The following KCNK9 variants were observed in gnomAD, a reference collection of about 807,000 sequenced individuals.
The protein encoded by KCNK9 is potassium two pore domain channel subfamily K member 9, also known as potassium channel subfamily K member 9.
In KCNK9, 1 loss-of-function variant was observed where a neutral mutation model predicts 10.8. The observed-to-expected ratio is 0.09, with a 90% CI of 0.03 to 0.44. The LOEUF is 0.44. Ranked by LOEUF, KCNK9 falls within the 20% of genes least tolerant of loss-of-function variation. The probability of loss-of-function intolerance (pLI) is 0.97; values close to 1 mark genes in which losing one functional copy is unlikely to be tolerated. For synonymous variants in KCNK9, 231 were observed against 222.7 expected (o/e 1.04, Z -0.33); for missense variants, 303 against 515.0 (o/e 0.59, Z 3.98).
At chr8:139,660,717 T>C (rs757680527) in intron 1 of KCNK9, among the ~76,000 whole-genome samples, 2 of 152,198 alleles carry the variant, frequency 1.3e-5, no homozygotes, top group African/African-American at 4.8e-5. Flanking sequence ...CAATAATGCA[T>C]ACTGGCTGTC....
intron 1 of KCNK9, among the ~76,000 whole-genome samples, chr8:139,641,711 C>T (rs1285007975): frequency 6.6e-6 from 1 of 152,184 alleles, no homozygotes; most frequent in African/African-American, 2.4e-5. Context: ...GCTGAGCCTC[C>T]TCTCCCTAGG....
intron 1 of KCNK9, among the ~76,000 whole-genome samples, chr8:139,624,033 C>G (rs529816959): frequency 5.6e-4 from 85 of 152,164 alleles, no homozygotes; most frequent in Non-Finnish European, 1.0e-3. Flanking sequence ...ATGCCTGGCA[C>G]CCCCTACAGG....
chr8:139,613,743 C>CCCTG (rs1337346988), downstream of KCNK9, among the ~76,000 whole-genome samples: 2 of 152,194 alleles, frequency 1.3e-5, no homozygotes, highest in African/African-American at 4.8e-5. Context: ...ATAACAGGTC[C>CCCTG]CCTGCCTGCC....
At chr8:139,684,983 T>G (rs1816760246) in intron 1 of KCNK9, among the ~76,000 whole-genome samples, 1 of 152,222 alleles carries the variant, frequency 6.6e-6, no homozygotes, top group Admixed American at 6.5e-5. Flanking sequence ...ACACTACATG[T>G]GCTAAACCCA....
At chr8:139,674,195 G>A (rs1816498078) in intron 1 of KCNK9, among the ~76,000 whole-genome samples, 1 of 152,296 alleles carries the variant, frequency 6.6e-6, no homozygotes, top group South Asian at 2.1e-4. Context: ...CTTAGATGAG[G>A]TCATGAAGGT....
intron 1 of KCNK9, among the ~76,000 whole-genome samples, chr8:139,626,823 A>G (rs909047125): frequency 3.9e-5 from 6 of 152,244 alleles, no homozygotes; most frequent in Non-Finnish European, 8.8e-5. Flanking sequence ...CACAAATTCC[A>G]TTAAAGAATG....
exon 3 of KCNK9, chr8:139,601,126 C>T (rs1304061849): frequency 6.6e-6 from 1 of 152,178 alleles, no homozygotes; most frequent in Admixed American, 6.5e-5. Flanking sequence ...GACGGGGAAA[C>T]CCCACGGCAC....
chr8:139,639,847 C>T (rs1421997901), intron 1 of KCNK9, among the ~76,000 whole-genome samples: 1 of 152,220 alleles, frequency 6.6e-6, no homozygotes, highest in East Asian at 1.9e-4. Context: ...AAGACCAGCA[C>T]CACTACACAG....
chr8:139,603,323 G>A (rs1817413707), intron 2 of KCNK9, among the ~76,000 whole-genome samples: 1 of 152,136 alleles, frequency 6.6e-6, no homozygotes, highest in East Asian at 1.9e-4. Context: ...CGGAGAGAGG[G>A]GAAGGCGCTG....
rs201576708 is a variant in KCNK9 at position 139,618,684 on chromosome 8, C to G, written c.699G>C (p.Thr233=). 8 of 1,614,088 alleles carry G rather than the reference C, an allele frequency of 5.0e-6. No individual in the cohort carries two copies. Among genetic ancestry groups the G allele is most frequent in the Non-Finnish European group, 6.8e-6 (8 of 1,180,054 alleles). ...FSFMYILVGL[T]VIGAFLNLVV... ...CCAGGTTGAGGAAGGCCCCGATGAC[C>G]GTCAGCCCCACCAGGATATACATAA... Residue 233 remains threonine, a synonymous_variant, in exon 2 of 2, where the codon ACG becomes ACC. Transcript: ENST00000520439. This position sits in a 1 kb window ranked among gnomAD's most constrained non-coding sequence, Gnocchi z 7.9.
intron 1 of KCNK9, among the ~76,000 whole-genome samples, chr8:139,630,319 C>A (rs187967409): frequency 3.9e-5 from 6 of 152,126 alleles, no homozygotes; most frequent in African/African-American, 7.2e-5. Flanking sequence ...GCTTTGTGGG[C>A]GCTGGAAGGA....
At chr8:139,622,654 A>G (rs1464257434) in intron 1 of KCNK9, among the ~76,000 whole-genome samples, 1 of 152,222 alleles carries the variant, frequency 6.6e-6, no homozygotes, top group Non-Finnish European at 1.5e-5. Flanking sequence ...ATTTATAAAT[A>G]GCCCATTTAT....
intron 1 of KCNK9, among the ~76,000 whole-genome samples, chr8:139,645,282 C>T (rs571664532): frequency 4.1e-4 from 63 of 152,250 alleles, no homozygotes; most frequent in African/African-American, 1.5e-3. Flanking sequence ...ATCCCTTCAC[C>T]TTCTAAAGGC....
chr8:139,677,801 TCACC>T (rs1816591645), intron 1 of KCNK9, among the ~76,000 whole-genome samples: 9 of 147,216 alleles, frequency 6.1e-5, no homozygotes, highest in Admixed American at 1.3e-4. Context: ...GAGTAATACC[TCACC>T]TCCCAGCCCA....
chr8:139,605,394 T>C (rs1366376072), intron 2 of KCNK9, among the ~76,000 whole-genome samples: 1 of 152,158 alleles, frequency 6.6e-6, no homozygotes, highest in Non-Finnish European at 1.5e-5. Context: ...GCACATAAAG[T>C]CCAAAAAGGA....
chr8:139,633,052 T>G (rs1412445982), intron 1 of KCNK9, among the ~76,000 whole-genome samples: 1 of 152,002 alleles, frequency 6.6e-6, no homozygotes, highest in Non-Finnish European at 1.5e-5. Flanking sequence ...CGAGTAGCAG[T>G]GGGGCGATCT....
chr8:139,632,952 C>A (rs1015010966), intron 1 of KCNK9, among the ~76,000 whole-genome samples: 4 of 152,146 alleles, frequency 2.6e-5, no homozygotes, highest in Non-Finnish European at 5.9e-5. Flanking sequence ...AGGCCCACCC[C>A]GCTTATTGTT....
chr8:139,671,546 C>T (rs1242879881), intron 1 of KCNK9, among the ~76,000 whole-genome samples: 5 of 147,852 alleles, frequency 3.4e-5, no homozygotes, highest in African/African-American at 1.3e-4. Flanking sequence ...AGTCTTGCTC[C>T]GTTGCCCAGG....
At chr8:139,608,261 C>T (rs1236556618), downstream of KCNK9, among the ~76,000 whole-genome samples, 1 of 152,174 alleles carries the variant, frequency 6.6e-6, no homozygotes, top group Non-Finnish European at 1.5e-5. Flanking sequence ...TCCCTGCCAA[C>T]CTGTGAGTCT....
Sources: gnomAD v4.1 joint callset for allele counts (sites outside exome capture counted in the v4.1 genomes callset) on GRCh38, gnomAD v4.1.1 for gene constraint, Gnocchi (gnomAD v3.1) non-coding constraint, MANE v1.5 for transcripts, NCBI Gene and HGNC (gene_info 2026-07-23, HGNC 2026-07-21) for gene names.